Variants in CCDC33 observed in about 807,000 individuals in gnomAD.
The protein encoded by CCDC33 is coiled-coil domain-containing protein 33.
In CCDC33, 94 loss-of-function variants were observed where a neutral mutation model predicts 91.9. That is an observed-to-expected ratio of 1.02 (90% CI 0.87 to 1.21). CCDC33 has a LOEUF of 1.21. Ranked by LOEUF, CCDC33 falls within the 50% of genes most tolerant of loss-of-function variation. The pLI is 0.00. For missense variants in CCDC33, 940 were observed against 935.5 expected (o/e 1.00, Z -0.06); for synonymous variants, 396 against 374.5 (o/e 1.06, Z -0.66).
intron 11 of CCDC33, among the ~76,000 whole-genome samples, chr15:74,298,995 G>C (rs1473519381): frequency 1.3e-5 from 2 of 152,184 alleles, no homozygotes; most frequent in African/African-American, 4.8e-5. Flanking sequence ...ACAGACCTGA[G>C]CCACCACACC....
chr15:74,234,647 A>C (rs2075088452), upstream of CCDC33, among the ~76,000 whole-genome samples: 7 of 152,152 alleles, frequency 4.6e-5, no homozygotes. Context: ...ACGGCCTGGA[A>C]CCAGTGCCCA....
chr15:74,225,366 T>A (rs189934286), intron 2 of CCDC33, among the ~76,000 whole-genome samples: 23 of 151,948 alleles, frequency 1.5e-4, no homozygotes, highest in Admixed American at 1.1e-3. Flanking sequence ...TTTCTTAACC[T>A]TACACCCATG....
chr15:74,268,399 G>A lies in CCDC33; in HGVS notation c.487G>A (p.Val163Ile), dbSNP rs777988742. ...TGCCAAGACCCAGTTGTACGCAACA[G>A]TCGTTCGGAAGAGCAGCTTCATACC... ...ATAKTQLYAT[V>I]VRKSSFIPRY... is the part of the protein sequence containing the mutation. Residue 163 changes from valine (V) to isoleucine (I), a missense_variant, in exon 5 of 19, where the codon GTC (valine) becomes ATC (isoleucine). Physicochemically the swap from Val to Ile is conservative, Grantham distance 29. Transcript: ENST00000398814. The A allele has an allele frequency of 2.5e-6, 4 of 1,610,678 alleles. No individual in the cohort carries two copies. Among genetic ancestry groups the A allele is most frequent in the Non-Finnish European group, 3.4e-6 (4 of 1,178,300 alleles).
At chr15:74,272,980 T>C in intron 7 of CCDC33, 89 bp downstream of exon 7, 1 of 1,519,206 alleles carries the variant, frequency 6.6e-7, no homozygotes, top group South Asian at 1.2e-5. Flanking sequence ...AGCAGTTCCC[T>C]TGACTATCGA....
chr15:74,331,034 G>A lies in CCDC33; in HGVS notation c.1599G>A (p.Gln533=). 1 of 1,612,234 alleles carries A rather than the reference G, an allele frequency of 6.2e-7. No homozygotes were observed. The highest frequency in any genetic ancestry group is 1.1e-5 in the South Asian group (1 of 90,756). Residue 533 remains glutamine (Q), a synonymous_variant, in exon 14 of 19, where the codon CAG becomes CAA. Coordinates refer to ENST00000398814, the MANE Select transcript of CCDC33 (RefSeq NM_025055.5). ...TTCTGTATCAGGCCCAGCAGCCACA[G>A]GCCGCTCTGCTGAAGCAGTACCAGG... is the stretch of plus-strand genomic sequence containing the variant. ...LLLLYQAQQP[Q]AALLKQYQGK...
At chr15:74,290,561 A>G (rs1216592940) in intron 10 of CCDC33, among the ~76,000 whole-genome samples, 1 of 152,210 alleles carries the variant, frequency 6.6e-6, no homozygotes, top group East Asian at 1.9e-4. Flanking sequence ...CAGGGCAAGC[A>G]TCACAGAAAG....
At chr15:74,222,357 G>C in intron 2 of CCDC33, among the ~76,000 whole-genome samples, 1 of 152,104 alleles carries the variant, frequency 6.6e-6, no homozygotes, top group East Asian at 1.9e-4. Flanking sequence ...AGAAGGCCGG[G>C]AACTCCCTCC....
chr15:74,311,561 A>G (rs2059994085), intron 11 of CCDC33: 1 of 152,238 alleles, frequency 6.6e-6, no homozygotes, highest in Admixed American at 6.5e-5. Flanking sequence ...GGGGGATGCA[A>G]CCATGGGAGT....
intron 2 of CCDC33, among the ~76,000 whole-genome samples, chr15:74,225,525 C>T (rs2074766586): frequency 6.6e-6 from 1 of 151,712 alleles, no homozygotes; most frequent in African/African-American, 2.4e-5. Flanking sequence ...ATGCAGAGAC[C>T]CCCCTACCCT....
intron 11 of CCDC33, among the ~76,000 whole-genome samples, chr15:74,298,709 C>CTT (rs35450110): frequency 0.018 from 1,382 of 75,548 alleles, 18 homozygotes; most frequent in Non-Finnish European, 0.025. Context: ...CTAATTCTGC[C>CTT]TTTTTTTTTT....
At chr15:74,308,354 GACAGACACAC>G (rs1157752213) in intron 11 of CCDC33, among the ~76,000 whole-genome samples, 1 of 141,942 alleles carries the variant, frequency 7.0e-6, no homozygotes, top group African/African-American at 2.6e-5. Context: ...TGTGCAGACA[GACAGACACAC>G]ACACACACAC....
At chr15:74,242,388 A>T (rs2075377261) in intron 1 of CCDC33, among the ~76,000 whole-genome samples, 2 of 152,224 alleles carry the variant, frequency 1.3e-5, no homozygotes, top group African/African-American at 2.4e-5. Flanking sequence ...TCCAGGGCCC[A>T]GGTCCTTGCT....
chr15:74,332,626 G>A, intron 15 of CCDC33, 53 bp from the exon 16 acceptor site: 5 of 1,595,104 alleles, frequency 3.1e-6, no homozygotes, highest in Non-Finnish European at 4.3e-6. Context: ...TCAGGACAGG[G>A]ACATGGGAAG....
At chr15:74,241,267 C>T (rs1407071713) in intron 1 of CCDC33, among the ~76,000 whole-genome samples, 1 of 152,072 alleles carries the variant, frequency 6.6e-6, no homozygotes, top group Non-Finnish European at 1.5e-5. Flanking sequence ...CACTTCTGAT[C>T]TGGGGGGCAT....
intron 2 of CCDC33, among the ~76,000 whole-genome samples, chr15:74,227,313 C>T (rs541029061): frequency 1.3e-5 from 2 of 152,306 alleles, no homozygotes; most frequent in Admixed American, 6.5e-5. Context: ...CCCAGGGAGA[C>T]TCACACTTTG....
chr15:74,277,704 T>C (rs1566992194), intron 7 of CCDC33, among the ~76,000 whole-genome samples: 1 of 152,060 alleles, frequency 6.6e-6, no homozygotes, highest in Non-Finnish European at 1.5e-5. Flanking sequence ...AGGCTGACCC[T>C]CCCTCCCCAG....
chr15:74,244,299 C>A lies in CCDC33; in HGVS notation c.185+151C>A. 3.9e-6 allele frequency: 4 copies of A among 1,037,050 alleles called. No individual in the cohort carries two copies. Among genetic ancestry groups the A allele is most frequent in the Non-Finnish European group, 5.4e-6 (4 of 744,170 alleles). The allele number at this position is 1,037,050 out of a possible 1,614,324, so 64.2% of individuals were successfully genotyped here. ...AGCTGCTGTGGGCACTACCTGGCATCTCCGCTGCTGCATGGGAAGCTGCTC... is the reference window on the plus strand; with the variant it reads ...AGCTGCTGTGGGCACTACCTGGCATATCCGCTGCTGCATGGGAAGCTGCTC... On this transcript the variant is annotated intron_variant, in intron 2 of 18. Coordinates refer to ENST00000398814, the MANE Select transcript of CCDC33 (RefSeq NM_025055.5). This position sits in a 1 kb window ranked among gnomAD's most constrained non-coding sequence, Gnocchi z 4.2.
intron 5 of CCDC33, among the ~76,000 whole-genome samples, chr15:74,270,685 G>A (rs1295152314): frequency 1.3e-5 from 2 of 152,122 alleles, no homozygotes; most frequent in Non-Finnish European, 2.9e-5. Context: ...GTGAGGGTCA[G>A]GGTCCGGGAG....
intron 11 of CCDC33, among the ~76,000 whole-genome samples, chr15:74,317,259 G>T (rs1005548867): frequency 3.3e-5 from 5 of 152,208 alleles, no homozygotes; most frequent in Admixed American, 3.3e-4. Context: ...TACTCGGGAG[G>T]CTGAGGCAGG....
Sources: gnomAD v4.1 joint callset for allele counts (sites outside exome capture counted in the v4.1 genomes callset) on GRCh38, gnomAD v4.1.1 for gene constraint, Gnocchi (gnomAD v3.1) non-coding constraint, MANE v1.5 for transcripts, NCBI Gene and HGNC (gene_info 2026-07-23, HGNC 2026-07-21) for gene names.